MSN: variants seen among roughly 807,000 people sequenced by gnomAD.
MSN encodes epididymis luminal protein 70.
MSN carries 2 observed loss-of-function variants against 48.0 expected under a neutral mutation model. The ratio of observed to expected loss-of-function variants is 0.04; its 90% CI spans 0.02 to 0.13. MSN has a LOEUF of 0.13. Among genes scored for constraint, MSN ranks in the 10% least tolerant of loss-of-function variants. MSN has a pLI of 1.00. For missense variants in MSN, 267 were observed against 470.1 expected (o/e 0.57, Z 3.99); for synonymous variants, 146 against 166.9 (o/e 0.87, Z 0.97).
At chrX:65,724,505 A>C (rs1396310566) in intron 2 of MSN, among the ~76,000 whole-genome samples, 1 of 111,026 alleles carries the variant, frequency 9.0e-6, no homozygotes, top group Non-Finnish European at 1.9e-5. Flanking sequence ...AACGTGGTGC[A>C]AAAAGAGGCT....
chrX:65,598,824 C>G (rs1350654224), intron 1 of MSN, among the ~76,000 whole-genome samples: 1 of 112,055 alleles, frequency 8.9e-6, no homozygotes, highest in Non-Finnish European at 1.9e-5. Flanking sequence ...GCCCTCTTCC[C>G]CCATCAGCTT....
chrX:65,712,374 C>T lies in MSN; in HGVS notation c.13-4444C>T, dbSNP rs1303855707. On this transcript the variant is annotated intron_variant, in intron 1 of 12. Transcript: ENST00000360270. ...ATCTGGCAAAATAGCTGCCTGGCCCCCTCTTCCCTGCTCCTGACCCGTGTG... is the reference window on the plus strand; with the variant it reads ...ATCTGGCAAAATAGCTGCCTGGCCCTCTCTTCCCTGCTCCTGACCCGTGTG... Among the ~76,000 whole-genome samples the T allele has an allele frequency of 2.7e-5, 3 of 110,748 alleles. No individual in the cohort carries two copies. The East Asian group carries it at 8.4e-4, about 31-fold the overall frequency.
At chrX:65,614,225 T>A (rs1337637760) in intron 1 of MSN, among the ~76,000 whole-genome samples, 1 of 111,727 alleles carries the variant, frequency 9.0e-6, no homozygotes, top group Admixed American at 9.6e-5. Context: ...GTTCCATTGG[T>A]CTATATATCT....
intron 1 of MSN, among the ~76,000 whole-genome samples, chrX:65,593,839 G>A (rs955145509): frequency 1.8e-5 from 2 of 112,741 alleles, no homozygotes; most frequent in Non-Finnish European, 1.9e-5. Flanking sequence ...CACTGCACCC[G>A]GCAGGCAAAT....
chrX:65,724,606 A>G (rs1569467148), intron 2 of MSN, among the ~76,000 whole-genome samples: 1 of 112,072 alleles, frequency 8.9e-6, no homozygotes, highest in Non-Finnish European at 1.9e-5. Flanking sequence ...AGCCTCTACA[A>G]TTAGTCTGTT....
chrX:65,699,875 G>T (rs775330696), intron 1 of MSN, among the ~76,000 whole-genome samples: 2 of 111,330 alleles, frequency 1.8e-5, no homozygotes, highest in Admixed American at 1.9e-4. Flanking sequence ...GGAGATCAGG[G>T]TTCTAGTTCT....
At chrX:65,630,377 C>T (rs2070546598) in intron 1 of MSN, among the ~76,000 whole-genome samples, 1 of 110,506 alleles carries the variant, frequency 9.0e-6, no homozygotes, top group African/African-American at 3.3e-5. Context: ...TTGAAACCAG[C>T]CTAGGCAACA....
chrX:65,693,132 C>T (rs1236118030), intron 1 of MSN, among the ~76,000 whole-genome samples: 1 of 111,720 alleles, frequency 9.0e-6, no homozygotes, highest in Non-Finnish European at 1.9e-5. Flanking sequence ...AATCCTGCTT[C>T]TTGTAGCCAA....
intron 1 of MSN, among the ~76,000 whole-genome samples, chrX:65,639,009 A>T (rs1602742789): frequency 8.9e-6 from 1 of 112,839 alleles, no homozygotes; most frequent in Non-Finnish European, 1.9e-5. Flanking sequence ...ATAACTCTGC[A>T]TGCTAGAACA....
At chrX:65,619,674 C>T (rs1385381706) in intron 1 of MSN, among the ~76,000 whole-genome samples, 3 of 106,597 alleles carry the variant, frequency 2.8e-5, no homozygotes, top group East Asian at 2.9e-4. Flanking sequence ...TAGCTCAGAG[C>T]AATTTGATCG....
At chrX:65,714,213 A>G (rs1423162793) in intron 1 of MSN, among the ~76,000 whole-genome samples, 2 of 112,036 alleles carry the variant, frequency 1.8e-5, no homozygotes, top group Admixed American at 1.9e-4. Context: ...TATCCAGTCT[A>G]CCATTGACTG....
intron 1 of MSN, among the ~76,000 whole-genome samples, chrX:65,635,712 T>C (rs2070593025): frequency 8.9e-6 from 1 of 112,013 alleles, no homozygotes; most frequent in Non-Finnish European, 1.9e-5. Flanking sequence ...TTCCTTAGCT[T>C]CCACCAGCCA....
chrX:65,673,208 C>T (rs1286622834), intron 1 of MSN, among the ~76,000 whole-genome samples: 1 of 111,530 alleles, frequency 9.0e-6, no homozygotes, highest in Non-Finnish European at 1.9e-5. Flanking sequence ...ACACTAAAAG[C>T]CTCATAGATT....
intron 2 of MSN, among the ~76,000 whole-genome samples, chrX:65,720,765 A>T (rs1182950445): frequency 8.9e-6 from 1 of 112,109 alleles, no homozygotes; most frequent in African/African-American, 3.2e-5. Flanking sequence ...GAGGAAGCCA[A>T]CCAGAGAGGA....
upstream of MSN, among the ~76,000 whole-genome samples, chrX:65,666,808 A>G (rs1367430431): frequency 9.0e-6 from 1 of 111,331 alleles, no homozygotes; most frequent in Non-Finnish European, 1.9e-5. Context: ...GAACACTGCC[A>G]TCCTGGGATT....
At chrX:65,619,692 CCTT>C (rs1226522334) in intron 1 of MSN, among the ~76,000 whole-genome samples, 1 of 108,228 alleles carries the variant, frequency 9.2e-6, no homozygotes, top group African/African-American at 3.6e-5. Context: ...TCGTCTGAAG[CCTT>C]CTTCTCTCAG....
chrX:65,599,406 G>C (rs533148821), intron 1 of MSN, among the ~76,000 whole-genome samples: 2 of 112,573 alleles, frequency 1.8e-5, no homozygotes, highest in Non-Finnish European at 3.8e-5. Context: ...AGGCTGAGGC[G>C]GGCAGATCAT....
intron 1 of MSN, among the ~76,000 whole-genome samples, chrX:65,647,932 C>G (rs1048969881): frequency 1.8e-5 from 2 of 111,699 alleles, no homozygotes; most frequent in African/African-American, 3.3e-5. Flanking sequence ...GAAAATATTT[C>G]TCTGGCTTCT....
intron 3 of MSN, among the ~76,000 whole-genome samples, chrX:65,728,595 G>A (rs1441912822): frequency 9.0e-6 from 1 of 110,871 alleles, no homozygotes; most frequent in Non-Finnish European, 1.9e-5. Context: ...GCTTGGCTGG[G>A]GATTTGTTAA....
Sources: allele counts gnomAD v4.1 joint callset (sites outside exome capture counted in the v4.1 genomes callset), GRCh38; gene constraint gnomAD v4.1.1; transcripts MANE v1.5; gene names NCBI Gene and HGNC (gene_info 2026-07-23, HGNC 2026-07-21).